The following SEMA4C variants were observed in gnomAD, a reference collection of about 807,000 sequenced individuals.
SEMA4C encodes semaphorin 4C.
In SEMA4C, 19 loss-of-function variants were observed where a neutral mutation model predicts 89.0. The observed-to-expected ratio is 0.21, with a 90% CI of 0.15 to 0.31. The LOEUF is 0.31. Ranked by LOEUF, SEMA4C falls within the 10% of genes least tolerant of loss-of-function variation. The probability of loss-of-function intolerance (pLI) is 1.00; values close to 1 mark genes in which losing one functional copy is unlikely to be tolerated. For synonymous variants in SEMA4C, 428 were observed against 472.7 expected (o/e 0.91, Z 1.23); for missense variants, 811 against 1,107.0 (o/e 0.73, Z 3.79).
chr2:96,863,995 T>C lies in SEMA4C; in HGVS notation c.1261A>G (p.Thr421Ala), dbSNP rs1324488083. 1 of 1,613,246 alleles carries C rather than the reference T, an allele frequency of 6.2e-7. No individual in the cohort carries two copies. Among genetic ancestry groups the C allele is most frequent in the South Asian group, 1.1e-5 (1 of 91,064 alleles). ...PLLVKKGTNFTHLVADRVTGL... is the reference protein window; with the variant it reads ...PLLVKKGTNFAHLVADRVTGL... ...GTAACCCGGTCGGCCACCAGGTGGG[T>C]GAAGTTGGTGCCCTTCTTCACGAGC... The change falls in exon 11 of 15, where the codon ACC becomes GCC. Residue 421 changes from threonine to alanine, a missense_variant. Coordinates refer to ENST00000305476, the MANE Select transcript of SEMA4C (RefSeq NM_017789.5).
At chr2:96,869,671 C>G in intron 1 of SEMA4C, 1 of 985,196 alleles carries the variant, frequency 1.0e-6, no homozygotes, top group South Asian at 4.7e-5. Context: ...GCTGCAGGTG[C>G]TGTGCGCCCC....
At chr2:96,870,289 G>A, upstream of SEMA4C, 3 of 985,528 alleles carry the variant, frequency 3.0e-6, no homozygotes, top group African/African-American at 5.2e-5. Context: ...CAGCCCCGGG[G>A]CTCGGAGTCG....
chr2:96,867,760 A>C lies in SEMA4C; in HGVS notation c.109+18T>G, dbSNP rs758968305. ...GCAGCCTGTCCCTGACTTCCTCCTCACCCCTCCAGGCACTCACCCCCAGAA... is the reference window on the plus strand; with the variant it reads ...GCAGCCTGTCCCTGACTTCCTCCTCCCCCCTCCAGGCACTCACCCCCAGAA... On this transcript the variant is annotated intron_variant, in intron 2 of 14. Transcript: ENST00000305476. 16 of 1,610,222 alleles carry C rather than the reference A, an allele frequency of 9.9e-6. No homozygotes were observed. Among genetic ancestry groups the C allele is most frequent in the Non-Finnish European group, 1.3e-5 (15 of 1,177,690 alleles).
Position 96,864,101 on chromosome 2 carries a change from C to A in SEMA4C, c.1155G>T (p.Glu385Asp). 1 of 1,612,918 alleles carries A rather than the reference C, an allele frequency of 6.2e-7. No individual in the cohort carries two copies. Among genetic ancestry groups the A allele is most frequent in the Non-Finnish European group, 8.5e-7 (1 of 1,179,990 alleles). The change falls in exon 11 of 15, where the codon GAG becomes GAT. Residue 385 changes from glutamate (E) to aspartate (D), a missense_variant. This residue lies in a region of SEMA4C where 441 missense variants were observed against 664.9 expected (regional missense o/e 0.66). Transcript: ENST00000305476. This position sits in a 1 kb window ranked among gnomAD's most constrained non-coding sequence, Gnocchi z 6.3. ...HRRHGYTSSLELPDNILNFVK... is the reference protein window; with the variant it reads ...HRRHGYTSSLDLPDNILNFVK... ...CGAAGTTGAGGATGTTGTCGGGTAG[C>A]TCCAGGGAGCTGGTGTAGCCGTGGC...
At chr2:96,866,493 T>A (rs2080074228) in intron 2 of SEMA4C, 62 bp from the exon 3 acceptor site, 1 of 1,610,006 alleles carries the variant, frequency 6.2e-7, no homozygotes, top group African/African-American at 1.3e-5. Context: ...CCCTCAGTCT[T>A]GCTCCACGAG....
upstream of SEMA4C, chr2:96,870,460 G>A (rs1313766526): frequency 4.3e-6 from 4 of 935,258 alleles, no homozygotes; most frequent in Non-Finnish European, 5.1e-6. Context: ...TTGCAGGAAC[G>A]ACCGCGGGCG....
Position 96,864,467 on chromosome 2 carries a change from G to T in SEMA4C, c.963-85C>A. 1 of 1,573,070 alleles carries T rather than the reference G, an allele frequency of 6.4e-7. No homozygotes were observed. ...TAAGGGCAAGCAGCAGGAAGGCAGG[G>T]CCTGGCACAAACTGGCCATGGGTAC... On this transcript the variant is annotated intron_variant, in intron 9 of 14. Transcript: ENST00000305476. This position sits in a 1 kb window ranked among gnomAD's most constrained non-coding sequence, Gnocchi z 6.3.
Position 96,869,881 on chromosome 2 carries a change from G to A in SEMA4C, c.-43C>T. 1 of 985,928 alleles carries A rather than the reference G, an allele frequency of 1.0e-6. No homozygotes were observed. Among genetic ancestry groups the A allele is most frequent in the Non-Finnish European group, 1.2e-6 (1 of 830,174 alleles). 61.1% of individuals were successfully genotyped at this position (985,928 alleles called of 1,614,324 possible). A position where few individuals can be genotyped will look rare whatever the true frequency, so the allele number is the denominator to read the frequency against. ...GCAAGCCCGGCCTCGCTCACCTATTGCGCGCAGCTCCAGTCCCCGGGCGCC... is the reference window on the plus strand; with the variant it reads ...GCAAGCCCGGCCTCGCTCACCTATTACGCGCAGCTCCAGTCCCCGGGCGCC... On this transcript the variant is annotated 5_prime_UTR_variant, in exon 1 of 15. Coordinates refer to ENST00000305476, the MANE Select transcript of SEMA4C (RefSeq NM_017789.5).
At chr2:96,867,645 C>T in intron 2 of SEMA4C, 133 bp downstream of exon 2, 1 of 961,178 alleles carries the variant, frequency 1.0e-6, no homozygotes, top group Middle Eastern at 2.1e-4. Context: ...GGTCCCAACC[C>T]ACACTGCCCG....
rs772446989 is a variant in SEMA4C, at chr2:96,867,729, T to C, written c.109+49A>G. 5 of 1,567,916 alleles carry C rather than the reference T, an allele frequency of 3.2e-6. No homozygotes were observed. The East Asian group carries it at 1.1e-4, about 35-fold the overall frequency. ...AAAGCCAGCACACTATGGGGGCAAC[T>C]CCTCAGCAGCCTGTCCCTGACTTCC... On this transcript the variant is annotated intron_variant, in intron 2 of 14. Coordinates refer to ENST00000305476, the MANE Select transcript of SEMA4C (RefSeq NM_017789.5).
chr2:96,869,628 G>T, intron 1 of SEMA4C: 1 of 985,234 alleles, frequency 1.0e-6, no homozygotes, highest in Non-Finnish European at 1.2e-6. Flanking sequence ...AGGAACCCTC[G>T]CTGGCGCGCC....
chr2:96,860,773 A>G lies in SEMA4C; in HGVS notation c.2355T>C (p.Asn785=), dbSNP rs2079923265. The change falls in exon 15 of 15, where the codon AAT becomes AAC. Residue 785 remains asparagine, a synonymous_variant. Coordinates refer to ENST00000305476, the MANE Select transcript of SEMA4C (RefSeq NM_017789.5). The part of the protein sequence containing the change: ...RLHLGGGRNS[N]ANGYVRLQLG... ...GTTGTAAGCGCACGTAACCATTGGC[A>G]TTTGAGTTCCGCCCACCCCCCAGGT... 6.2e-7 allele frequency: 1 copy of G among 1,613,822 alleles called. No individual in the cohort carries two copies. The highest frequency in any genetic ancestry group is 8.5e-7 in the Non-Finnish European group (1 of 1,179,978).
Position 96,869,859 on chromosome 2 carries a change from A to G in SEMA4C, c.-38+17T>C, listed in dbSNP as rs1036232327. ...GGCCCCGCGGCTCCAGCCTCACGCA[A>G]GCCCGGCCTCGCTCACCTATTGCGC... On this transcript the variant is annotated intron_variant, in intron 1 of 14. Transcript: ENST00000305476. 3 of 985,572 alleles carry G rather than the reference A, an allele frequency of 3.0e-6. No homozygotes were observed. The highest frequency in any genetic ancestry group is 3.6e-6 in the Non-Finnish European group (3 of 830,170). The allele number at this position is 985,572 out of a possible 1,614,324, so 61.1% of individuals were successfully genotyped here.
intron 1 of SEMA4C, 70 bp from the exon 2 acceptor site, chr2:96,867,993 G>A (rs1392753292): frequency 6.4e-7 from 1 of 1,566,156 alleles, no homozygotes; most frequent in African/African-American, 1.4e-5. Context: ...CGCAGCAGGA[G>A]AGGCCACAGG....
intron 1 of SEMA4C, 98 bp from the exon 2 acceptor site, chr2:96,868,021 C>T (rs2080120544): frequency 3.4e-6 from 5 of 1,471,472 alleles, no homozygotes; most frequent in African/African-American, 1.4e-5. Context: ...ATCAGGCCTT[C>T]CAGGAGCCCC....
At chr2:96,870,141 G>C, upstream of SEMA4C, 1 of 977,606 alleles carries the variant, frequency 1.0e-6, no homozygotes, top group Middle Eastern at 5.3e-4. Flanking sequence ...GTCGAGCGGA[G>C]GCCGGGGGCG....
Position 96,864,199 on chromosome 2 carries a change from C to A in SEMA4C, c.1107+39G>T. 1 of 1,613,174 alleles carries A rather than the reference C, an allele frequency of 6.2e-7. No individual in the cohort carries two copies. Among genetic ancestry groups the A allele is most frequent in the South Asian group, 1.1e-5 (1 of 91,078 alleles). ...CCATCAGCAGGGTGGGATGGCACCGCAGCTGGGTGGGGAGATGCATCCCTG... is the reference window on the plus strand; with the variant it reads ...CCATCAGCAGGGTGGGATGGCACCGAAGCTGGGTGGGGAGATGCATCCCTG... On this transcript the variant is annotated intron_variant, in intron 10 of 14. Coordinates refer to ENST00000305476, the MANE Select transcript of SEMA4C (RefSeq NM_017789.5). The surrounding 1 kb of genome is among the most constrained non-coding windows in gnomAD (Gnocchi z 6.3).
intron 12 of SEMA4C, chr2:96,863,049 AAC>A (rs1365553928): frequency 1.2e-5 from 2 of 167,910 alleles, no homozygotes; most frequent in African/African-American, 2.4e-5. Flanking sequence ...CAAAAACAAA[AAC>A]AAAAAACCTT....
At chr2:96,866,529 A>G (rs1261227115) in intron 2 of SEMA4C, 98 bp from the exon 3 acceptor site, 3 of 1,527,224 alleles carry the variant, frequency 2.0e-6, no homozygotes, top group Non-Finnish European at 1.8e-6. Context: ...CCACAAGCAG[A>G]TGCCAGCCAA....
Sources: gnomAD v4.1 joint callset for allele counts on GRCh38, gnomAD v4.1.1 for gene constraint, gnomAD v4.1.1 regional missense constraint, Gnocchi (gnomAD v3.1) non-coding constraint, MANE v1.5 for transcripts, NCBI Gene and HGNC (gene_info 2026-07-23, HGNC 2026-07-21) for gene names.